RORB: variants seen among roughly 807,000 people sequenced by gnomAD.
RORB encodes RAR related orphan receptor B.
A neutral mutation model predicts 59.1 loss-of-function variants in RORB; 6 were observed. That is an observed-to-expected ratio of 0.10 (90% CI 0.06 to 0.20). The LOEUF (loss-of-function observed/expected upper bound fraction) is 0.20. Ranked by LOEUF, RORB falls within the 10% of genes least tolerant of loss-of-function variation. The pLI is 1.00. For synonymous variants in RORB, 215 were observed against 204.5 expected (o/e 1.05, Z -0.44); for missense variants, 320 against 560.5 (o/e 0.57, Z 4.33).
At chr9:74,657,550 C>T (rs1429636236) in intron 4 of RORB, among the ~76,000 whole-genome samples, 1 of 152,184 alleles carries the variant, frequency 6.6e-6, no homozygotes, top group Non-Finnish European at 1.5e-5. Context: ...CTCCATGTGA[C>T]AAACTGTGCT....
At chr9:74,635,901 C>A (rs1823693150) in intron 3 of RORB, among the ~76,000 whole-genome samples, 2 of 149,846 alleles carry the variant, frequency 1.3e-5, no homozygotes, top group African/African-American at 4.9e-5. Context: ...TTCTCTAATT[C>A]CCAATCCATC....
At chr9:74,659,649 C>T (rs1824148555) in intron 4 of RORB, among the ~76,000 whole-genome samples, 1 of 152,068 alleles carries the variant, frequency 6.6e-6, no homozygotes, top group African/African-American at 2.4e-5. Flanking sequence ...TGCCACCACA[C>T]CTGGCTAATT....
intron 1 of RORB, among the ~76,000 whole-genome samples, chr9:74,620,523 G>GTT (rs540682101): frequency 9.9e-5 from 15 of 151,914 alleles, no homozygotes; most frequent in Non-Finnish European, 2.1e-4. Flanking sequence ...TTTTTGAAGG[G>GTT]TTTTTTTGTG....
Position 74,525,789 on chromosome 9 carries a change from C to G in RORB, c.7+27806C>G, listed in dbSNP as rs768131533. On this transcript the variant is annotated intron_variant, in intron 1 of 9. Coordinates refer to ENST00000376896, the MANE Select transcript of RORB (RefSeq NM_006914.4). ...CAGAACCTCGATGAAATTCAGGAAC[C>G]CTTTGCGTCCCGAAATTCCCAACTA... Among the ~76,000 whole-genome samples, 4 of 151,844 alleles carry G rather than the reference C, an allele frequency of 2.6e-5. No homozygotes were observed. The East Asian group carries it at 7.8e-4, about 30-fold the overall frequency.
At chr9:74,681,608 G>A (rs1223862385) in intron 9 of RORB, among the ~76,000 whole-genome samples, 2 of 152,354 alleles carry the variant, frequency 1.3e-5, no homozygotes, top group East Asian at 3.9e-4. Flanking sequence ...AAAGAAGGCA[G>A]AACTGGGTCC....
chr9:74,499,658 G>C (rs959647936), intron 1 of RORB, among the ~76,000 whole-genome samples: 2 of 152,150 alleles, frequency 1.3e-5, no homozygotes, highest in African/African-American at 2.4e-5. Flanking sequence ...ACTATACTTG[G>C]GCAATTGGAG....
intron 1 of RORB, among the ~76,000 whole-genome samples, chr9:74,529,827 T>C (rs1443594768): frequency 6.6e-6 from 1 of 151,930 alleles, no homozygotes; most frequent in African/African-American, 2.4e-5. Context: ...ATTAGGGTGA[T>C]GGGTGCACCA....
chr9:74,651,917 A>G (rs1248130790), intron 4 of RORB, among the ~76,000 whole-genome samples: 1 of 152,238 alleles, frequency 6.6e-6, no homozygotes, highest in Admixed American at 6.5e-5. Flanking sequence ...TAATTTCCAA[A>G]AAATTAGACA....
At chr9:74,642,376 A>C in intron 3 of RORB, 38 bp from the exon 4 acceptor site, 1 of 1,561,250 alleles carries the variant, frequency 6.4e-7, no homozygotes, top group South Asian at 1.2e-5. Flanking sequence ...GCGAATGATA[A>C]CCACAAGTGC....
intron 1 of RORB, among the ~76,000 whole-genome samples, chr9:74,552,592 G>A (rs1382601338): frequency 6.6e-6 from 1 of 151,886 alleles, no homozygotes; most frequent in East Asian, 1.9e-4. Context: ...TCAACGTAGG[G>A]TCATGTTTCT....
At chr9:74,669,232 A>G (rs921248941) in intron 8 of RORB, among the ~76,000 whole-genome samples, 2 of 152,214 alleles carry the variant, frequency 1.3e-5, no homozygotes, top group African/African-American at 4.8e-5. Flanking sequence ...TAATCCCAAC[A>G]CTTCGGGAGG....
chr9:74,660,387 A>G (rs1224417674), intron 4 of RORB, among the ~76,000 whole-genome samples: 4 of 152,182 alleles, frequency 2.6e-5, no homozygotes, highest in African/African-American at 9.7e-5. Context: ...AAAACCCCTA[A>G]GTTGTGATCA....
chr9:74,651,593 G>A (rs886420726), intron 4 of RORB, among the ~76,000 whole-genome samples: 1 of 151,402 alleles, frequency 6.6e-6, no homozygotes, highest in African/African-American at 2.4e-5. Flanking sequence ...AAGTTGTCAA[G>A]CTTCACACAG....
chr9:74,594,200 GC>G (rs1201814459), intron 1 of RORB, among the ~76,000 whole-genome samples: 1 of 152,144 alleles, frequency 6.6e-6, no homozygotes, highest in African/African-American at 2.4e-5. Context: ...ACCCTGATGA[GC>G]CCTGAGTTAT....
At chr9:74,627,513 C>A (rs1823539585) in intron 1 of RORB, among the ~76,000 whole-genome samples, 1 of 152,066 alleles carries the variant, frequency 6.6e-6, no homozygotes, top group African/African-American at 2.4e-5. Flanking sequence ...ATTTGTATTT[C>A]CAAAGTTGTG....
intron 1 of RORB, chr9:74,615,508 T>C (rs1823297645): frequency 2.8e-6 from 1 of 357,394 alleles, no homozygotes; most frequent in Non-Finnish European, 5.7e-6. Context: ...CCTGTTGGGA[T>C]TGAAGTTGTG....
chr9:74,605,418 T>A (rs1823134374), intron 1 of RORB, among the ~76,000 whole-genome samples: 1 of 152,202 alleles, frequency 6.6e-6, no homozygotes, highest in Non-Finnish European at 1.5e-5. Flanking sequence ...TTGGGGAATT[T>A]AAACTTCAAC....
chr9:74,639,683 C>T (rs2118451924), intron 3 of RORB, among the ~76,000 whole-genome samples: 1 of 152,290 alleles, frequency 6.6e-6, no homozygotes, highest in Admixed American at 6.5e-5. Flanking sequence ...GCAATGGATA[C>T]AAACCTTGTA....
intron 6 of RORB, among the ~76,000 whole-genome samples, chr9:74,665,154 T>C (rs999282863): frequency 1.3e-5 from 2 of 152,194 alleles, no homozygotes; most frequent in Admixed American, 1.3e-4. Context: ...ATGTCCAGCT[T>C]AGCCACCTGT....
Sources: allele counts gnomAD v4.1 joint callset (sites outside exome capture counted in the v4.1 genomes callset), GRCh38; gene constraint gnomAD v4.1.1; transcripts MANE v1.5; gene names NCBI Gene and HGNC (gene_info 2026-07-23, HGNC 2026-07-21).